The following IQCB1 variants were observed in gnomAD, a reference collection of about 807,000 sequenced individuals.
The protein encoded by IQCB1 is IQ calmodulin-binding motif-containing protein 1.
Under a neutral mutation model 84.4 loss-of-function variants are expected in IQCB1, and 56 were observed. The observed-to-expected ratio is 0.66, with a 90% confidence interval of 0.54 to 0.83. The LOEUF is 0.83. IQCB1 is among the 40% of genes least tolerant of loss of function. The pLI, the probability that IQCB1 is intolerant of heterozygous loss-of-function variation, is 0.00. For missense variants in IQCB1, 629 were observed against 682.1 expected (o/e 0.92, Z 0.87); for synonymous variants, 210 against 234.8 (o/e 0.89, Z 0.96).
chr3:121,803,677 CT>C (rs901686717), intron 7 of IQCB1, among the ~76,000 whole-genome samples: 27 of 152,234 alleles, frequency 1.8e-4, no homozygotes, highest in South Asian at 6.2e-4. Flanking sequence ...GATGAACTGA[CT>C]TTTTTTATGA....
Position 121,788,430 on chromosome 3 carries a change from G to C in IQCB1, c.1132C>G (p.Gln378Glu). 6.2e-7 allele frequency: 1 copy of C among 1,612,646 alleles called. No homozygotes were observed. The highest frequency in any genetic ancestry group is 1.1e-5 in the South Asian group (1 of 91,064). Residue 378 changes from glutamine to glutamate, a missense_variant and splice_region_variant, in exon 12 of 15, where the codon CAG becomes GAG. By Grantham distance (29) the Gln-to-Glu change is conservative (BLOSUM62 2). Coordinates refer to ENST00000310864, the MANE Select transcript of IQCB1 (RefSeq NM_001023570.4). ...LSMLEIVHPG[Q>E]VEKHYREMEE... ...ATTTCCCGATAGTGTTTCTCCACCT[G>C]ACCTAAAAAGATGATAGACACTATT...
intron 5 of IQCB1, among the ~76,000 whole-genome samples, chr3:121,812,295 A>C (rs1389870638): frequency 6.6e-6 from 1 of 152,216 alleles, no homozygotes. Context: ...TCAAAGGTAG[A>C]CAAATCCATG....
intron 10 of IQCB1, among the ~76,000 whole-genome samples, chr3:121,793,442 G>A (rs565006880): frequency 2.8e-4 from 42 of 152,216 alleles, no homozygotes; most frequent in African/African-American, 9.1e-4. Context: ...ATGGGAAGGG[G>A]AAATTACTGA....
Position 121,807,364 on chromosome 3 carries a change from C to G in IQCB1, c.567G>C (p.Gln189His). Residue 189 changes from glutamine to histidine, a missense_variant, in exon 7 of 15, where the codon CAG (glutamine) becomes CAC (histidine). Gln to His is a conservative substitution (Grantham distance 24). Transcript: ENST00000310864. Reference protein sequence around the residue: ...QIGSAVMMMLQNILQINSGDL... With the variant: ...QIGSAVMMMLHNILQINSGDL... Reference sequence around the variant, plus strand: ...GTCACCTGTTGATCTGTAGTATATTCTGTAGCATCATCATGACTGCAGATC... The same window carrying G: ...GTCACCTGTTGATCTGTAGTATATTGTGTAGCATCATCATGACTGCAGATC... 1 of 1,543,358 alleles carries G rather than the reference C, an allele frequency of 6.5e-7. No individual in the cohort carries two copies. Among genetic ancestry groups the G allele is most frequent in the Non-Finnish European group, 9.0e-7 (1 of 1,116,418 alleles).
intron 9 of IQCB1, among the ~76,000 whole-genome samples, chr3:121,796,089 TGGAATG>T (rs965489859): frequency 4.6e-5 from 7 of 152,116 alleles, no homozygotes; most frequent in Admixed American, 4.6e-4. Flanking sequence ...AGTCCTCAAA[TGGAATG>T]GCAAAGGGTA....
intron 5 of IQCB1, among the ~76,000 whole-genome samples, chr3:121,818,133 G>A (rs1258429536): frequency 1.3e-5 from 2 of 152,210 alleles, no homozygotes; most frequent in Non-Finnish European, 2.9e-5. Flanking sequence ...GACAACAGTT[G>A]TGAATCTGCT....
Position 121,797,135 on chromosome 3 carries a change from G to C in IQCB1, c.859C>G (p.Gln287Glu). 6.3e-7 allele frequency: 1 copy of C among 1,584,966 alleles called. No individual in the cohort carries two copies. Among genetic ancestry groups the C allele is most frequent in the Non-Finnish European group, 8.7e-7 (1 of 1,155,106 alleles). ...CTTAATACCTGCTCTTCTACTTCCT[G>C]ATAGACCATTGGGCTTAAAAGGCCA... ...LVGLLSPMVY[Q>E]EVEEQKLHQA... The change falls in exon 9 of 15, where the codon CAG becomes GAG. Residue 287 changes from glutamine to glutamate, a missense_variant. Physicochemically the swap from Gln to Glu is conservative, Grantham distance 29. Coordinates refer to ENST00000310864, the MANE Select transcript of IQCB1 (RefSeq NM_001023570.4).
At chr3:121,787,602 T>C (rs1393214948) in intron 12 of IQCB1, among the ~76,000 whole-genome samples, 1 of 151,828 alleles carries the variant, frequency 6.6e-6, no homozygotes, top group East Asian at 1.9e-4. Context: ...AATACAAACA[T>C]TAGATGGGTG....
intron 5 of IQCB1, among the ~76,000 whole-genome samples, chr3:121,817,464 C>T (rs757370243): frequency 6.6e-6 from 1 of 151,742 alleles, no homozygotes; most frequent in African/African-American, 2.4e-5. Context: ...AATTGTCTGC[C>T]AACAGTATTT....
At chr3:121,821,834 T>G (rs1248981167) in intron 5 of IQCB1, among the ~76,000 whole-genome samples, 1 of 152,248 alleles carries the variant, frequency 6.6e-6, no homozygotes, top group Non-Finnish European at 1.5e-5. Context: ...ATTTATCTTG[T>G]GTGATTGTCA....
chr3:121,830,865 G>A (rs1950613493), intron 2 of IQCB1, among the ~76,000 whole-genome samples: 1 of 152,208 alleles, frequency 6.6e-6, no homozygotes, highest in African/African-American at 2.4e-5. Context: ...ATCCTGGAAG[G>A]AATGCTGAAC....
intron 5 of IQCB1, among the ~76,000 whole-genome samples, chr3:121,822,340 C>T (rs1190763054): frequency 6.6e-6 from 1 of 151,982 alleles, no homozygotes; most frequent in Non-Finnish European, 1.5e-5. Flanking sequence ...CTGGCTTTTC[C>T]CAGTGTGTGT....
intron 13 of IQCB1, among the ~76,000 whole-genome samples, chr3:121,777,061 C>T (rs1482618912): frequency 6.6e-6 from 1 of 152,136 alleles, no homozygotes; most frequent in Middle Eastern, 3.2e-3. Context: ...CAAGAAAGGT[C>T]ACAATATTTC....
chr3:121,797,452 T>A (rs1176878866), intron 8 of IQCB1, among the ~76,000 whole-genome samples: 92 of 138,866 alleles, frequency 6.6e-4, no homozygotes, highest in East Asian at 2.0e-3. Context: ...TGGTATCTGA[T>A]AAAAAAAAAA....
chr3:121,809,133 AG>A, intron 5 of IQCB1, 124 bp from the exon 6 acceptor site: 1 of 638,716 alleles, frequency 1.6e-6, no homozygotes, highest in Non-Finnish European at 2.8e-6. Flanking sequence ...GCTATTTATG[AG>A]GGACATGATT....
At chr3:121,832,820 T>C (rs1950695306) in intron 2 of IQCB1, among the ~76,000 whole-genome samples, 2 of 152,180 alleles carry the variant, frequency 1.3e-5, no homozygotes, top group African/African-American at 4.8e-5. Flanking sequence ...CATATAAGAA[T>C]CTAATTTTTA....
intron 5 of IQCB1, among the ~76,000 whole-genome samples, chr3:121,814,880 A>G (rs1231444973): frequency 1.3e-5 from 2 of 152,208 alleles, no homozygotes; most frequent in Non-Finnish European, 2.9e-5. Context: ...AAACAATACA[A>G]AAAGAGGGAC....
chr3:121,802,372 T>C (rs1949438770), intron 7 of IQCB1, among the ~76,000 whole-genome samples: 1 of 152,272 alleles, frequency 6.6e-6, no homozygotes, highest in East Asian at 1.9e-4. Context: ...GTAGTTTGCG[T>C]CTTTCAATAA....
chr3:121,782,076 T>C (rs539307198), intron 12 of IQCB1, among the ~76,000 whole-genome samples: 2 of 152,294 alleles, frequency 1.3e-5, no homozygotes, highest in Admixed American at 6.5e-5. Context: ...TTTACAAGGA[T>C]ATAGTCACGT....
Sources: gnomAD v4.1 joint callset for allele counts (sites outside exome capture counted in the v4.1 genomes callset) on GRCh38, gnomAD v4.1.1 for gene constraint, MANE v1.5 for transcripts, NCBI Gene and HGNC (gene_info 2026-07-23, HGNC 2026-07-21) for gene names.